NRXN3: variants seen among roughly 807,000 people sequenced by gnomAD.
NRXN3 encodes the protein neurexin III.
In NRXN3, 32 loss-of-function variants were observed where a neutral mutation model predicts 137.6. The observed-to-expected ratio is 0.23, with a 90% confidence interval of 0.18 to 0.31. The LOEUF is 0.31. Ranked by LOEUF, NRXN3 falls within the 10% of genes least tolerant of loss-of-function variation. The pLI is 1.00. For missense variants in NRXN3, 1,574 were observed against 2,062.5 expected (o/e 0.76, Z 4.59); for synonymous variants, 798 against 784.5 (o/e 1.02, Z -0.29).
intron 4 of NRXN3, among the ~76,000 whole-genome samples, chr14:78,537,943 G>T (rs1361149014): frequency 6.6e-6 from 1 of 152,060 alleles, no homozygotes. Context: ...TATTTCTGAG[G>T]CCTCTGTTCT....
chr14:78,646,108 A>G (rs2097685504), intron 5 of NRXN3, among the ~76,000 whole-genome samples: 1 of 151,872 alleles, frequency 6.6e-6, no homozygotes, highest in Non-Finnish European at 1.5e-5. Flanking sequence ...AAAAAAGTCA[A>G]CTTTGGAGCA....
At chr14:79,353,277 T>C (rs1957911461) in intron 15 of NRXN3, among the ~76,000 whole-genome samples, 1 of 152,042 alleles carries the variant, frequency 6.6e-6, no homozygotes, top group African/African-American at 2.4e-5. Context: ...TAATTGGAAG[T>C]CCACAAATTA....
intron 15 of NRXN3, among the ~76,000 whole-genome samples, chr14:79,274,519 T>C (rs1247654146): frequency 6.6e-6 from 1 of 152,058 alleles, no homozygotes; most frequent in Non-Finnish European, 1.5e-5. Context: ...CTAAGCTTAG[T>C]GGAGATCTGA....
At chr14:79,398,457 T>G (rs1271593512) in intron 15 of NRXN3, among the ~76,000 whole-genome samples, 1 of 151,956 alleles carries the variant, frequency 6.6e-6, no homozygotes, top group African/African-American at 2.4e-5. Flanking sequence ...CTAACTCATA[T>G]GTACTCCACA....
At chr14:78,384,133 A>G (rs753218295) in intron 4 of NRXN3, among the ~76,000 whole-genome samples, 2 of 152,216 alleles carry the variant, frequency 1.3e-5, no homozygotes, top group African/African-American at 2.4e-5. Context: ...GAAAACAGGT[A>G]GGAACCAATG....
At chr14:79,505,378 T>C (rs1367353177) in intron 16 of NRXN3, among the ~76,000 whole-genome samples, 1 of 152,140 alleles carries the variant, frequency 6.6e-6, no homozygotes, top group Non-Finnish European at 1.5e-5. Context: ...GTAGAGATGC[T>C]ACCATCTTCA....
intron 19 of NRXN3, among the ~76,000 whole-genome samples, chr14:79,705,913 A>C (rs2098776512): frequency 6.6e-6 from 1 of 152,204 alleles, no homozygotes; most frequent in African/African-American, 2.4e-5. Context: ...TTTAGGCACT[A>C]AAATAGCACA....
chr14:78,719,988 G>A (rs747099806), intron 8 of NRXN3, among the ~76,000 whole-genome samples: 4 of 152,136 alleles, frequency 2.6e-5, no homozygotes, highest in Non-Finnish European at 5.9e-5. Context: ...CTATAGAATG[G>A]TTAGAATTTA....
At chr14:78,198,633 C>G (rs1012567092) in intron 1 of NRXN3, among the ~76,000 whole-genome samples, 1 of 152,184 alleles carries the variant, frequency 6.6e-6, no homozygotes, top group African/African-American at 2.4e-5. Context: ...CTAGCCTGTC[C>G]CATTCCTTAT....
intron 15 of NRXN3, among the ~76,000 whole-genome samples, chr14:79,410,840 T>C (rs1175380664): frequency 2.6e-5 from 4 of 152,274 alleles, no homozygotes; most frequent in African/African-American, 7.2e-5. Flanking sequence ...TCTTATGTTT[T>C]GAAGCTCGCC....
intron 19 of NRXN3, among the ~76,000 whole-genome samples, chr14:79,735,600 T>C (rs566390151): frequency 6.6e-6 from 1 of 152,274 alleles, no homozygotes; most frequent in South Asian, 2.1e-4. Context: ...ACAATTAAAC[T>C]TCAAACTTCA....
Position 78,709,278 on chromosome 14 carries a change from C to T in NRXN3, c.1283C>T (p.Thr428Ile). ...TCTCGCCTGGCCCGGATTGCGGACA[C>T]CAAGATGAAAATCTATGGCGAAGTT... ...ELSRLARIAD[T>I]KMKIYGEVVF... The change falls in exon 7 of 21, where the codon ACC becomes ATC. Residue 428 changes from threonine (T) to isoleucine (I), a missense_variant. Transcript: ENST00000335750. 1 of 1,614,092 alleles carries T rather than the reference C, an allele frequency of 6.2e-7. No individual in the cohort carries two copies. Among genetic ancestry groups the T allele is most frequent in the South Asian group, 1.1e-5 (1 of 91,080 alleles).
intron 4 of NRXN3, among the ~76,000 whole-genome samples, chr14:78,517,089 A>C (rs2096219484): frequency 6.6e-6 from 1 of 152,120 alleles, no homozygotes; most frequent in Admixed American, 6.5e-5. Context: ...ATCTTCTTAC[A>C]TTTTTAGGCC....
chr14:79,200,904 T>G (rs2065905753), intron 15 of NRXN3: 1 of 143,410 alleles, frequency 7.0e-6, no homozygotes, highest in Non-Finnish European at 1.5e-5. Context: ...ATATGGCAAC[T>G]ATCTCTCAAG....
intron 4 of NRXN3, among the ~76,000 whole-genome samples, chr14:78,452,001 A>G (rs2094563491): frequency 6.6e-6 from 1 of 152,250 alleles, no homozygotes; most frequent in African/African-American, 2.4e-5. Flanking sequence ...ACTTCCAGAC[A>G]GTTCTGGAGA....
chr14:78,495,219 C>T (rs2095756444), intron 4 of NRXN3, among the ~76,000 whole-genome samples: 1 of 147,556 alleles, frequency 6.8e-6, no homozygotes, highest in South Asian at 2.1e-4. Flanking sequence ...TGCCATTTTT[C>T]ATTCCATTTC....
chr14:79,570,791 A>G (rs1218017372), intron 16 of NRXN3, among the ~76,000 whole-genome samples: 2 of 152,166 alleles, frequency 1.3e-5, no homozygotes, highest in Middle Eastern at 3.2e-3. Flanking sequence ...GTGCTAGCCA[A>G]TTGGCTTTCT....
chr14:78,415,702 G>T (rs2093096583), intron 4 of NRXN3, among the ~76,000 whole-genome samples: 1 of 152,084 alleles, frequency 6.6e-6, no homozygotes, highest in South Asian at 2.1e-4. Context: ...TATCCCCAGG[G>T]TGATGGTGTT....
At chr14:79,853,205 A>G (rs1363862056) in intron 20 of NRXN3, among the ~76,000 whole-genome samples, 2 of 151,838 alleles carry the variant, frequency 1.3e-5, no homozygotes, top group African/African-American at 2.4e-5. Flanking sequence ...AGATTTCTGA[A>G]CCTCCCCCAC....
Sources: gnomAD v4.1 joint callset for allele counts (sites outside exome capture counted in the v4.1 genomes callset) on GRCh38, gnomAD v4.1.1 for gene constraint, MANE v1.5 for transcripts, NCBI Gene and HGNC (gene_info 2026-07-23, HGNC 2026-07-21) for gene names.